Variants in SEMA5A observed in about 807,000 individuals in gnomAD.
SEMA5A encodes the protein semaphorin 5A.
SEMA5A carries 55 observed loss-of-function variants against 135.5 expected under a neutral mutation model. The ratio of observed to expected loss-of-function variants is 0.41; its 90% CI spans 0.33 to 0.51. SEMA5A has a LOEUF of 0.51. SEMA5A is among the 20% of genes least tolerant of loss of function. The pLI, the probability that SEMA5A is intolerant of heterozygous loss-of-function variation, is 0.37. For synonymous variants in SEMA5A, 580 were observed against 546.5 expected (o/e 1.06, Z -0.85); for missense variants, 1,290 against 1,419.9 (o/e 0.91, Z 1.47).
At chr5:9,430,088 T>C (rs755220443) in intron 2 of SEMA5A, among the ~76,000 whole-genome samples, 5 of 152,152 alleles carry the variant, frequency 3.3e-5, no homozygotes, top group Non-Finnish European at 7.3e-5. Context: ...ATTGGATATA[T>C]GTTGAACAAA....
chr5:9,375,275 C>G (rs1040768378), intron 3 of SEMA5A, among the ~76,000 whole-genome samples: 1 of 152,054 alleles, frequency 6.6e-6, no homozygotes, highest in Non-Finnish European at 1.5e-5. Flanking sequence ...GGAAACGGCA[C>G]CTTTGCAGAC....
At chr5:9,226,091 T>C (rs1469362962) in intron 7 of SEMA5A, among the ~76,000 whole-genome samples, 3 of 152,196 alleles carry the variant, frequency 2.0e-5, no homozygotes, top group Non-Finnish European at 4.4e-5. Context: ...GAGAGCTCCC[T>C]GAGTTTCACA....
intron 5 of SEMA5A, among the ~76,000 whole-genome samples, chr5:9,308,025 T>C (rs1751952903): frequency 6.6e-6 from 1 of 152,188 alleles, no homozygotes; most frequent in Non-Finnish European, 1.5e-5. Context: ...AATTCAATAA[T>C]AAAGTATGTA....
At chr5:9,512,800 C>G (rs1269607271) in intron 1 of SEMA5A, among the ~76,000 whole-genome samples, 1 of 152,032 alleles carries the variant, frequency 6.6e-6, no homozygotes, top group East Asian at 2.0e-4. Flanking sequence ...ACGAAAGCAC[C>G]AATTTGGTTT....
intron 5 of SEMA5A, among the ~76,000 whole-genome samples, chr5:9,266,793 C>G (rs1243596088): frequency 6.6e-6 from 1 of 152,190 alleles, no homozygotes; most frequent in Admixed American, 6.5e-5. Context: ...TACTGAACCC[C>G]AAGTTCAGAC....
At chr5:9,289,168 A>AC (rs1418486224) in intron 5 of SEMA5A, among the ~76,000 whole-genome samples, 1 of 152,210 alleles carries the variant, frequency 6.6e-6, no homozygotes, top group Non-Finnish European at 1.5e-5. Flanking sequence ...ATAAACACAT[A>AC]CAGCTGTGCA....
chr5:9,522,463 A>C (rs456400), intron 1 of SEMA5A, among the ~76,000 whole-genome samples: 51,566 of 151,978 alleles, frequency 0.34, 8,945 homozygotes, highest in East Asian at 0.41. Flanking sequence ...CGTGCCTCTA[A>C]TCTCAGCTAC....
chr5:9,277,437 C>G (rs1057230702), intron 5 of SEMA5A, among the ~76,000 whole-genome samples: 8 of 152,082 alleles, frequency 5.3e-5, no homozygotes, highest in African/African-American at 1.7e-4. Flanking sequence ...ACTAGAAATA[C>G]CATTTGACCC....
intron 2 of SEMA5A, among the ~76,000 whole-genome samples, chr5:9,384,651 G>C (rs1234207219): frequency 3.4e-5 from 4 of 119,068 alleles, no homozygotes; most frequent in African/African-American, 6.2e-5. Context: ...TAGATAGATA[G>C]ATAGATAGAT....
Position 9,036,716 on chromosome 5 carries a change from C to T in SEMA5A, c.*6181G>A, listed in dbSNP as rs878901759. 1 of 152,668 alleles carries T rather than the reference C, an allele frequency of 6.6e-6. No homozygotes were observed. The highest frequency in any genetic ancestry group is 2.1e-4 in the South Asian group (1 of 4,828). 9.5% of individuals were successfully genotyped at this position (152,668 alleles called of 1,614,324 possible). On this transcript the variant is annotated 3_prime_UTR_variant, in exon 23 of 23. Transcript: ENST00000382496. ...TGTGCTTCTTGGTCATTTTCTATTCCTGAGTTCAAAGAGACATAGGAGAAT... is the reference window on the plus strand; with the variant it reads ...TGTGCTTCTTGGTCATTTTCTATTCTTGAGTTCAAAGAGACATAGGAGAAT...
chr5:9,210,601 G>C (rs1297434298), intron 8 of SEMA5A, among the ~76,000 whole-genome samples: 1 of 152,148 alleles, frequency 6.6e-6, no homozygotes, highest in Non-Finnish European at 1.5e-5. Flanking sequence ...ATTTCCTAAA[G>C]TGCCAACTAA....
chr5:9,522,554 G>A (rs931665962), intron 1 of SEMA5A, among the ~76,000 whole-genome samples: 8 of 152,014 alleles, frequency 5.3e-5, no homozygotes, highest in Admixed American at 3.9e-4. Flanking sequence ...TCCAGCCTGG[G>A]CAACAAGAGC....
intron 2 of SEMA5A, among the ~76,000 whole-genome samples, chr5:9,430,021 GTT>G (rs1310244786): frequency 1.3e-5 from 2 of 152,194 alleles, no homozygotes; most frequent in Non-Finnish European, 2.9e-5. Flanking sequence ...CGGGGACCAA[GTT>G]GCTGGGAGCT....
At chr5:9,244,427 C>T (rs935449561) in intron 5 of SEMA5A, among the ~76,000 whole-genome samples, 2 of 152,144 alleles carry the variant, frequency 1.3e-5, no homozygotes, top group African/African-American at 4.8e-5. Flanking sequence ...GACTTACTGG[C>T]CCCACTACCT....
chr5:9,520,768 A>G (rs1357305752), intron 1 of SEMA5A, among the ~76,000 whole-genome samples: 3 of 152,204 alleles, frequency 2.0e-5, no homozygotes, highest in Non-Finnish European at 2.9e-5. Context: ...AACTGAGGAC[A>G]TTTGACAAAC....
At chr5:9,085,456 C>G (rs1424424068) in intron 16 of SEMA5A, among the ~76,000 whole-genome samples, 1 of 152,184 alleles carries the variant, frequency 6.6e-6, no homozygotes. Flanking sequence ...CCACTCTAGC[C>G]ATGGCTGAAA....
chr5:9,273,599 G>A (rs1207126500), intron 5 of SEMA5A, among the ~76,000 whole-genome samples: 1 of 151,840 alleles, frequency 6.6e-6, no homozygotes, highest in Admixed American at 6.6e-5. Context: ...AGAAAGGTCA[G>A]GTTACCCACA....
chr5:9,397,358 G>A (rs972433585), intron 2 of SEMA5A, among the ~76,000 whole-genome samples: 6 of 152,210 alleles, frequency 3.9e-5, no homozygotes, highest in African/African-American at 1.4e-4. Context: ...TTCCAGCTCA[G>A]CCACTTCCTG....
At chr5:9,402,269 T>C (rs1167257989) in intron 2 of SEMA5A, among the ~76,000 whole-genome samples, 1 of 152,240 alleles carries the variant, frequency 6.6e-6, no homozygotes, top group African/African-American at 2.4e-5. Context: ...ATCACCTCTC[T>C]GGCTCTTGCA....
Sources: gnomAD v4.1 joint callset for allele counts (sites outside exome capture counted in the v4.1 genomes callset) on GRCh38, gnomAD v4.1.1 for gene constraint, MANE v1.5 for transcripts, NCBI Gene and HGNC (gene_info 2026-07-23, HGNC 2026-07-21) for gene names.